Variants in FBXL13 observed in about 807,000 individuals in gnomAD.
FBXL13 encodes the protein F-box and leucine-rich repeat protein 13.
In FBXL13, 67 loss-of-function variants were observed where a neutral mutation model predicts 83.6. That is an observed-to-expected ratio of 0.80 (90% CI 0.66 to 0.98). FBXL13 has a LOEUF of 0.98. FBXL13 is among the 50% of genes least tolerant of loss of function. The pLI, the probability that FBXL13 is intolerant of heterozygous loss-of-function variation, is 0.00. For synonymous variants in FBXL13, 272 were observed against 299.5 expected (o/e 0.91, Z 0.95); for missense variants, 822 against 866.5 (o/e 0.95, Z 0.64).
chr7:103,074,612 C>A, upstream of FBXL13: 2 of 1,256,502 alleles, frequency 1.6e-6, no homozygotes, highest in African/African-American at 3.1e-5. Context: ...AAACCTAGTC[C>A]CTCCTCCGGG....
chr7:102,879,637 G>A (rs1203409104), intron 14 of FBXL13, among the ~76,000 whole-genome samples: 1 of 152,222 alleles, frequency 6.6e-6, no homozygotes, highest in Middle Eastern at 3.4e-3. Flanking sequence ...ACAAGCTGGG[G>A]TTTCATCCCT....
chr7:102,980,422 G>A (rs1283677284), intron 6 of FBXL13, among the ~76,000 whole-genome samples: 1 of 152,138 alleles, frequency 6.6e-6, no homozygotes, highest in East Asian at 1.9e-4. Flanking sequence ...AATGAGTTTG[G>A]ACCCTCTACC....
At chr7:102,989,004 A>C (rs1829288954) in intron 6 of FBXL13, 1 of 152,262 alleles carries the variant, frequency 6.6e-6, no homozygotes, top group Non-Finnish European at 1.5e-5. Flanking sequence ...ACTCAGAATG[A>C]GGGAGAAAAC....
chr7:102,824,042 G>A (rs79088824), intron 18 of FBXL13, among the ~76,000 whole-genome samples: 1 of 152,198 alleles, frequency 6.6e-6, no homozygotes, highest in South Asian at 2.1e-4. Flanking sequence ...CAGAGTAGCA[G>A]GTTTGGTTTG....
At chr7:102,934,278 G>A (rs1240343478) in intron 8 of FBXL13, 1 of 1,614,026 alleles carries the variant, frequency 6.2e-7, no homozygotes, top group Non-Finnish European at 8.5e-7. Context: ...AAAATTGAGA[G>A]TGAGGCGTTC....
At chr7:103,008,501 T>C (rs537104414) in intron 6 of FBXL13, among the ~76,000 whole-genome samples, 1 of 152,336 alleles carries the variant, frequency 6.6e-6, no homozygotes, top group Admixed American at 6.5e-5. Flanking sequence ...TTTGCAACTT[T>C]CCTATAAGTT....
In FBXL13 at chr7:102,822,217, C is replaced by T; in HGVS notation, c.1855-14G>A. The T allele has an allele frequency of 6.2e-7, 1 of 1,613,250 alleles. No homozygotes were observed. The highest frequency in any genetic ancestry group is 8.5e-7 in the Non-Finnish European group (1 of 1,179,430). On this transcript the variant is annotated splice_polypyrimidine_tract_variant and intron_variant, in intron 18 of 19. Transcript: ENST00000313221. Reference sequence around the variant, plus strand: ...TGAGTCAGTAATCTGAACACAGAGCCAAAGTAAGTACTGGTTATTCAAACA... The same window carrying T: ...TGAGTCAGTAATCTGAACACAGAGCTAAAGTAAGTACTGGTTATTCAAACA...
intron 16 of FBXL13, among the ~76,000 whole-genome samples, chr7:102,873,868 A>G (rs571104334): frequency 6.6e-6 from 1 of 152,290 alleles, no homozygotes; most frequent in Admixed American, 6.5e-5. Context: ...TTCTCTGGGA[A>G]AAGAATCTCT....
intron 4 of FBXL13, among the ~76,000 whole-genome samples, chr7:103,028,214 G>A (rs758754204): frequency 3.3e-5 from 5 of 151,938 alleles, no homozygotes; most frequent in African/African-American, 7.3e-5. Context: ...TTTTAGTTTC[G>A]TCATATATAC....
chr7:103,019,064 T>G (rs1192994191), intron 6 of FBXL13, among the ~76,000 whole-genome samples: 1 of 152,192 alleles, frequency 6.6e-6, no homozygotes, highest in African/African-American at 2.4e-5. Context: ...ATTGATCACA[T>G]AGTTGGAAGT....
intron 7 of FBXL13, among the ~76,000 whole-genome samples, chr7:102,965,373 G>T (rs1825863964): frequency 6.6e-6 from 1 of 152,108 alleles, no homozygotes; most frequent in African/African-American, 2.4e-5. Context: ...GGAGGCTGCA[G>T]AGACAAACTG....
intron 6 of FBXL13, among the ~76,000 whole-genome samples, chr7:103,024,528 CAAAA>C (rs11318355): frequency 4.3e-5 from 2 of 46,784 alleles, no homozygotes; most frequent in Non-Finnish European, 7.7e-5. Context: ...AACTCCATCT[CAAAA>C]AAAAAAAAAA....
chr7:103,068,133 A>T (rs1798569294), intron 1 of FBXL13, among the ~76,000 whole-genome samples: 3 of 152,124 alleles, frequency 2.0e-5, no homozygotes, highest in African/African-American at 7.3e-5. Flanking sequence ...AACTGGAAGA[A>T]AGGTCAAGGA....
chr7:102,822,197 C>T, exon 19 of FBXL13: 1 of 1,614,056 alleles, frequency 6.2e-7, no homozygotes, highest in African/African-American at 1.3e-5. Flanking sequence ...ATTGCTGAGT[C>T]AGTAATCTGA....
chr7:102,887,875 T>C (rs1257134756), intron 11 of FBXL13, among the ~76,000 whole-genome samples: 1 of 152,142 alleles, frequency 6.6e-6, no homozygotes, highest in East Asian at 1.9e-4. Context: ...CAAATGCTAA[T>C]AGTGATTATC....
At position 103,070,010 on chromosome 7, in the gene FBXL13, C is replaced by T. The variant is rs972410340; in HGVS notation, c.-105+4236G>A. Among the ~76,000 whole-genome samples, 143 of 144,034 alleles carry T rather than the reference C, an allele frequency of 9.9e-4. 2 individuals carry two copies. The highest frequency in any genetic ancestry group is 3.5e-3 in the African/African-American group (135 of 38,734). The allele number at this position is 144,034 out of a possible 152,430, so 94.5% of individuals were successfully genotyped here. A position where few individuals can be genotyped will look rare whatever the true frequency, so the allele number is the denominator to read the frequency against. ...AGGAGAATGGCGTGAAGCCAGGAGG[C>T]GGAGCTTGCAGTGAGCCGAGATCCC... On this transcript the variant is annotated intron_variant, in intron 1 of 19. Coordinates refer to ENST00000313221, the Ensembl canonical transcript of FBXL13.
chr7:102,906,144 C>T (rs1053420438), intron 11 of FBXL13, among the ~76,000 whole-genome samples: 1 of 152,108 alleles, frequency 6.6e-6, no homozygotes, highest in Non-Finnish European at 1.5e-5. Flanking sequence ...ATCATGAGAA[C>T]AGCATGGGAA....
chr7:102,854,435 T>C (rs1686349954), intron 17 of FBXL13, among the ~76,000 whole-genome samples: 1 of 152,176 alleles, frequency 6.6e-6, no homozygotes, highest in Non-Finnish European at 1.5e-5. Context: ...GACGAGTTAG[T>C]GGGTGCAGCG....
Position 103,014,274 on chromosome 7 carries a change from G to C in FBXL13, c.495+10789C>G, listed in dbSNP as rs183750455. Among the ~76,000 whole-genome samples the C allele has an allele frequency of 4.4e-3, 669 of 152,254 alleles. 5 individuals are homozygous for C. Among genetic ancestry groups the C allele is most frequent in the African/African-American group, 0.015 (641 of 41,530 alleles). ...GGAGGCTGAGGTGGGAGGATTGCTT[G>C]AGTCTGGGAGGTTGAGGCTGCAGTG... On this transcript the variant is annotated intron_variant, in intron 6 of 19. Transcript: ENST00000313221.
Sources: gnomAD v4.1 joint callset for allele counts (sites outside exome capture counted in the v4.1 genomes callset) on GRCh38, gnomAD v4.1.1 for gene constraint, MANE v1.5 for transcripts, NCBI Gene and HGNC (gene_info 2026-07-23, HGNC 2026-07-21) for gene names.